ATP10D: variants seen among roughly 807,000 people sequenced by gnomAD.
ATP10D encodes ATPase phospholipid transporting 10D (putative).
ATP10D carries 89 observed loss-of-function variants against 144.8 expected under a neutral mutation model. That is an observed-to-expected ratio of 0.61 (90% confidence interval 0.52 to 0.73). ATP10D has a LOEUF of 0.73. Ranked by LOEUF, ATP10D falls within the 30% of genes least tolerant of loss-of-function variation. The probability of loss-of-function intolerance (pLI) is 0.00; values close to 1 mark genes in which losing one functional copy is unlikely to be tolerated. For missense variants in ATP10D, 1,603 were observed against 1,714.8 expected (o/e 0.93, Z 1.15); for synonymous variants, 571 against 615.1 (o/e 0.93, Z 1.06).
At chr4:47,526,692 T>C (rs1442478626) in intron 5 of ATP10D, among the ~76,000 whole-genome samples, 3 of 152,172 alleles carry the variant, frequency 2.0e-5, no homozygotes, top group African/African-American at 7.2e-5. Context: ...AAGATCCAGA[T>C]ACAAAAATCG....
At position 47,536,545 on chromosome 4, in the gene ATP10D, C is replaced by G. The variant is rs1169874854; in HGVS notation, c.1124C>G (p.Thr375Ser). The change falls in exon 8 of 23, where the codon ACC becomes AGC. Residue 375 changes from threonine (T) to serine (S), a missense_variant. Transcript: ENST00000273859. ...PLLAGFYMFWTMIILLQVLIP... is the reference protein window; with the variant it reads ...PLLAGFYMFWSMIILLQVLIP... Reference sequence around the variant, plus strand: ...TTGGCAGGATTTTATATGTTTTGGACCATGATCATTTTGTTACAGGTAATT... The same window carrying G: ...TTGGCAGGATTTTATATGTTTTGGAGCATGATCATTTTGTTACAGGTAATT... The G allele has an allele frequency of 6.2e-7, 1 of 1,612,754 alleles. No homozygotes were observed. Among genetic ancestry groups the G allele is most frequent in the Admixed American group, 1.7e-5 (1 of 59,862 alleles).
At chr4:47,581,901 A>G in intron 20 of ATP10D, 59 bp from the exon 21 acceptor site, 1 of 1,345,574 alleles carries the variant, frequency 7.4e-7, no homozygotes, top group Non-Finnish European at 1.1e-6. Context: ...AGATAAAGTG[A>G]TGTTACCCAC....
Position 47,591,587 on chromosome 4 carries a change from G to A in ATP10D, c.*206G>A. ...GAGTTTGACCTAGAGAGAGTTTAAG[G>A]AAGTGAAATATTTAATTCAGAACCA... is the stretch of plus-strand genomic sequence containing the variant. On this transcript the variant is annotated 3_prime_UTR_variant, in exon 23 of 23. Coordinates refer to ENST00000273859, the MANE Select transcript of ATP10D (RefSeq NM_020453.4). 2.5e-6 allele frequency: 1 copy of A among 393,262 alleles called. No individual in the cohort carries two copies. Among genetic ancestry groups the A allele is most frequent in the Non-Finnish European group, 4.5e-6 (1 of 223,988 alleles). The allele number at this position is 393,262 out of a possible 1,614,324, so 24.4% of individuals were successfully genotyped here. A position where few individuals can be genotyped will look rare whatever the true frequency, so the allele number is the denominator to read the frequency against.
At chr4:47,567,623 A>G (rs1186422074) in intron 15 of ATP10D, among the ~76,000 whole-genome samples, 1 of 152,224 alleles carries the variant, frequency 6.6e-6, no homozygotes, top group African/African-American at 2.4e-5. Flanking sequence ...AAACTCCAAA[A>G]GAGTTTTAAA....
intron 1 of ATP10D, among the ~76,000 whole-genome samples, chr4:47,510,295 T>C (rs995888353): frequency 6.6e-6 from 1 of 152,020 alleles, no homozygotes; most frequent in Non-Finnish European, 1.5e-5. Flanking sequence ...CTGCCCAGCC[T>C]TGGAGAGTAG....
chr4:47,556,286 C>G (rs1438755382), intron 11 of ATP10D, among the ~76,000 whole-genome samples: 3 of 152,170 alleles, frequency 2.0e-5, no homozygotes, highest in African/African-American at 7.2e-5. Flanking sequence ...AGGTGGTCAA[C>G]TTTAACATAA....
intron 10 of ATP10D, among the ~76,000 whole-genome samples, chr4:47,549,353 C>T (rs1265892766): frequency 6.6e-6 from 1 of 152,180 alleles, no homozygotes; most frequent in Non-Finnish European, 1.5e-5. Context: ...TTGTCTCTCT[C>T]TGTCTCAATA....
intron 15 of ATP10D, among the ~76,000 whole-genome samples, chr4:47,565,968 A>G (rs1207331253): frequency 1.3e-5 from 2 of 152,226 alleles, no homozygotes; most frequent in African/African-American, 2.4e-5. Flanking sequence ...TCACAACTCA[A>G]GATAAAAAGC....
chr4:47,526,980 G>A (rs2109414654), intron 5 of ATP10D, among the ~76,000 whole-genome samples: 1 of 152,208 alleles, frequency 6.6e-6, no homozygotes, highest in Admixed American at 6.5e-5. Flanking sequence ...TTTAAGTGGA[G>A]ATGCGAAATA....
intron 20 of ATP10D, 64 bp downstream of exon 20, chr4:47,580,542 C>T (rs1720460392): frequency 6.9e-7 from 1 of 1,449,810 alleles, no homozygotes; most frequent in Admixed American, 1.7e-5. Flanking sequence ...TTGTACTTTG[C>T]CACCAATTTC....
chr4:47,498,019 A>G (rs565519734), intron 1 of ATP10D, among the ~76,000 whole-genome samples: 318 of 152,348 alleles, frequency 2.1e-3, no homozygotes, highest in Non-Finnish European at 3.5e-3. Context: ...TTGTTAATCT[A>G]TTATATGTCA....
chr4:47,494,070 AAC>A (rs922828953), intron 1 of ATP10D, among the ~76,000 whole-genome samples: 2 of 152,242 alleles, frequency 1.3e-5, no homozygotes, highest in African/African-American at 4.8e-5. Context: ...AACTGAAAAC[AAC>A]AGTCAGAAAC....
chr4:47,507,288 T>C (rs1159055098), intron 1 of ATP10D, among the ~76,000 whole-genome samples: 1 of 152,180 alleles, frequency 6.6e-6, no homozygotes, highest in African/African-American at 2.4e-5. Context: ...TATTAACTCA[T>C]TGAATCCTCA....
At chr4:47,527,117 A>G (rs1436191867) in intron 5 of ATP10D, among the ~76,000 whole-genome samples, 2 of 152,188 alleles carry the variant, frequency 1.3e-5, no homozygotes, top group African/African-American at 2.4e-5. Context: ...CAGGAGATCA[A>G]TGGAAGAGAT....
At chr4:47,529,813 T>C (rs1393145727) in intron 5 of ATP10D, among the ~76,000 whole-genome samples, 3 of 152,210 alleles carry the variant, frequency 2.0e-5, no homozygotes, top group African/African-American at 7.2e-5. Flanking sequence ...ATCTACAGCT[T>C]CTTTAATCAG....
intron 15 of ATP10D, among the ~76,000 whole-genome samples, chr4:47,566,243 A>T (rs1719632658): frequency 1.3e-5 from 2 of 152,214 alleles, no homozygotes; most frequent in African/African-American, 4.8e-5. Flanking sequence ...AAGTGTTGCC[A>T]GTTGCAAACT....
intron 5 of ATP10D, among the ~76,000 whole-genome samples, chr4:47,528,205 C>T (rs1196557126): frequency 6.6e-6 from 1 of 151,922 alleles, no homozygotes; most frequent in Non-Finnish European, 1.5e-5. Context: ...GAATGGTGAA[C>T]GTTGTTTCTA....
intron 13 of ATP10D, 100 bp downstream of exon 13, chr4:47,559,129 G>T: frequency 1.2e-6 from 1 of 821,970 alleles, no homozygotes; most frequent in Non-Finnish European, 2.0e-6. Flanking sequence ...CAGATGCTGG[G>T]GAAAGTCCCC....
At chr4:47,581,659 A>G (rs1379911998) in intron 20 of ATP10D, among the ~76,000 whole-genome samples, 4 of 152,224 alleles carry the variant, frequency 2.6e-5, no homozygotes, top group East Asian at 3.8e-4. Flanking sequence ...TTGTAGCTCT[A>G]TTAAATAGAA....
Sources: gnomAD v4.1 joint callset for allele counts (sites outside exome capture counted in the v4.1 genomes callset) on GRCh38, gnomAD v4.1.1 for gene constraint, MANE v1.5 for transcripts, NCBI Gene and HGNC (gene_info 2026-07-23, HGNC 2026-07-21) for gene names.